The following ZNF69 variants were observed in gnomAD, a reference collection of about 807,000 sequenced individuals.
ZNF69 encodes the protein ZNF3.
A neutral mutation model predicts 50.9 loss-of-function variants in ZNF69; 47 were observed. The observed-to-expected ratio is 0.92, with a 90% CI of 0.73 to 1.18. ZNF69 has a LOEUF of 1.18. Among genes scored for constraint, ZNF69 ranks in the 50% most tolerant of loss-of-function variants. ZNF69 has a pLI of 0.00. For synonymous variants in ZNF69, 216 were observed against 223.1 expected (o/e 0.97, Z 0.29); for missense variants, 717 against 675.1 (o/e 1.06, Z -0.69).
At chr19:11,952,186 A>G in the ZNF69 span, among the ~76,000 whole-genome samples, 1 of 152,176 alleles carries the variant, frequency 6.6e-6, no homozygotes, top group Non-Finnish European at 1.5e-5. Context: ...TCTCAAAAAA[A>G]AAGACTTGGC....
chr19:11,971,007 A>G, the ZNF69 span, among the ~76,000 whole-genome samples: 1 of 152,154 alleles, frequency 6.6e-6, no homozygotes, highest in Non-Finnish European at 1.5e-5. Flanking sequence ...CTGTCCTTCC[A>G]TCTCTCTGTT....
the ZNF69 span, chr19:11,956,407 AG>A: frequency 2.5e-6 from 1 of 392,592 alleles, no homozygotes; most frequent in Non-Finnish European, 4.5e-6. Flanking sequence ...GAGGGGTGAT[AG>A]GTAAGTGCCT....
At chr19:11,901,885 A>G (rs994174604) in intron 1 of ZNF69, among the ~76,000 whole-genome samples, 4 of 152,132 alleles carry the variant, frequency 2.6e-5, no homozygotes, top group East Asian at 1.9e-4. Flanking sequence ...ACAGATCTAC[A>G]TAAGTTCTCT....
intron 1 of ZNF69, among the ~76,000 whole-genome samples, chr19:11,901,480 A>T (rs1028374541): frequency 3.9e-5 from 6 of 152,014 alleles, no homozygotes; most frequent in African/African-American, 1.4e-4. Flanking sequence ...CTCTATTAGG[A>T]CATTCTTATG....
At chr19:11,929,955 A>G in the ZNF69 span, among the ~76,000 whole-genome samples, 4 of 148,098 alleles carry the variant, frequency 2.7e-5, no homozygotes, top group East Asian at 1.9e-4. Flanking sequence ...GCAGGGTGAT[A>G]TGTCTTCAGT....
chr19:11,902,046 A>G lies in ZNF69; in HGVS notation c.64-1527A>G, dbSNP rs1972257810. ...GCCCAGGCTGAAGTGCAATGGTGCAATCTTGGCTCACCGCAACCTCCTGCC... is the reference window on the plus strand; with the variant it reads ...GCCCAGGCTGAAGTGCAATGGTGCAGTCTTGGCTCACCGCAACCTCCTGCC... On this transcript the variant is annotated intron_variant, in intron 1 of 3. Transcript: ENST00000429654. 4.1e-5 allele frequency among the ~76,000 whole-genome samples: 6 copies of G among 147,216 alleles called. No individual in the cohort carries two copies. In the Admixed American group the frequency reaches 4.1e-4, roughly 10 times the overall value.
chr19:11,953,986 T>C, the ZNF69 span, among the ~76,000 whole-genome samples: 3 of 152,224 alleles, frequency 2.0e-5, no homozygotes, highest in Non-Finnish European at 4.4e-5. Context: ...TTATGAGGTA[T>C]GAAAATGCTC....
At chr19:11,916,811 G>A (rs1043442477), downstream of ZNF69, among the ~76,000 whole-genome samples, 7 of 151,870 alleles carry the variant, frequency 4.6e-5, no homozygotes, top group African/African-American at 1.7e-4. Flanking sequence ...GTCATCATGG[G>A]AAGCTTGTTT....
the ZNF69 span, among the ~76,000 whole-genome samples, chr19:11,920,548 G>A: frequency 6.6e-6 from 1 of 152,244 alleles, no homozygotes; most frequent in South Asian, 2.1e-4. Flanking sequence ...ACCACTCAAC[G>A]TGCTGGGATT....
the ZNF69 span, among the ~76,000 whole-genome samples, chr19:11,923,073 T>G: frequency 6.6e-6 from 1 of 152,194 alleles, no homozygotes; most frequent in African/African-American, 2.4e-5. Flanking sequence ...CACTTTGGCC[T>G]CCCAAAATGT....
intron 1 of ZNF69, among the ~76,000 whole-genome samples, chr19:11,892,619 TA>T (rs1265946328): frequency 1.3e-5 from 2 of 150,348 alleles, no homozygotes; most frequent in South Asian, 2.1e-4. Flanking sequence ...ATTAAATAAA[TA>T]AAAAAAAAGT....
At chr19:11,908,969 AT>A (rs1972418861), downstream of ZNF69, among the ~76,000 whole-genome samples, 1 of 152,218 alleles carries the variant, frequency 6.6e-6, no homozygotes, top group South Asian at 2.1e-4. Flanking sequence ...AATAGATGCA[AT>A]AAAAAATGAT....
chr19:11,959,862 A>T, the ZNF69 span, among the ~76,000 whole-genome samples: 1 of 152,060 alleles, frequency 6.6e-6, no homozygotes, highest in South Asian at 2.1e-4. Context: ...CAACACTTTG[A>T]ATTATCTAAC....
the ZNF69 span, among the ~76,000 whole-genome samples, chr19:11,922,652 T>C: frequency 3.4e-5 from 3 of 89,352 alleles, no homozygotes; most frequent in South Asian, 9.3e-4. Flanking sequence ...GCCTTTTCCA[T>C]TGACTGCAAG....
chr19:11,925,087 G>A, the ZNF69 span: 1 of 1,119,660 alleles, frequency 8.9e-7, no homozygotes. Context: ...AGTTCATCCG[G>A]AAATGGAGGG....
chr19:11,894,210 C>G (rs1475414141), intron 1 of ZNF69, among the ~76,000 whole-genome samples: 1 of 152,166 alleles, frequency 6.6e-6, no homozygotes, highest in Non-Finnish European at 1.5e-5. Flanking sequence ...TGCTCAGTCG[C>G]CCAGGCTGGA....
chr19:11,900,242 TG>T (rs1972214069), intron 1 of ZNF69, among the ~76,000 whole-genome samples: 1 of 151,572 alleles, frequency 6.6e-6, no homozygotes, highest in Non-Finnish European at 1.5e-5. Flanking sequence ...CATGAGCCAC[TG>T]CACCCGGCCT....
intron 1 of ZNF69, among the ~76,000 whole-genome samples, chr19:11,890,355 G>A (rs28822107): frequency 0.078 from 11,886 of 152,218 alleles, 1,090 homozygotes; most frequent in African/African-American, 0.22. Context: ...AATGGAGAAT[G>A]GTGATGACTT....
chr19:11,914,291 G>A (rs1471383605), exon 5 of ZNF69: 2 of 150,772 alleles, frequency 1.3e-5, no homozygotes, highest in African/African-American at 4.9e-5. Flanking sequence ...CTCCAGCCTG[G>A]GCAACAAGAG....
Sources: gnomAD v4.1 joint callset for allele counts (sites outside exome capture counted in the v4.1 genomes callset) on GRCh38, gnomAD v4.1.1 for gene constraint, MANE v1.5 for transcripts, NCBI Gene and HGNC (gene_info 2026-07-23, HGNC 2026-07-21) for gene names.